Variants in KHDRBS2 observed in about 807,000 individuals in gnomAD.
KHDRBS2 encodes the protein KH RNA binding domain containing, signal transduction associated 2, also known as KH domain-containing, RNA-binding, signal transduction-associated protein 2.
KHDRBS2 carries 26 observed loss-of-function variants against 44.3 expected under a neutral mutation model. The ratio of observed to expected loss-of-function variants is 0.59; its 90% CI spans 0.43 to 0.81. KHDRBS2 has a LOEUF of 0.81. KHDRBS2 is among the 40% of genes least tolerant of loss of function. The pLI is 0.00. For synonymous variants in KHDRBS2, 194 were observed against 151.1 expected (o/e 1.28, Z -2.08); for missense variants, 476 against 433.1 (o/e 1.10, Z -0.88).
chr6:61,608,682 T>C, the KHDRBS2 span, among the ~76,000 whole-genome samples: 4 of 150,046 alleles, frequency 2.7e-5, no homozygotes, highest in East Asian at 2.0e-4. Context: ...AGTGAGAACA[T>C]GCAGTGTTTG....
In KHDRBS2 at chr6:62,141,885, C is replaced by G. The variant is rs1301821316; in HGVS notation, c.219+35300G>C. Among the ~76,000 whole-genome samples the G allele has an allele frequency of 2.0e-5, 3 of 151,912 alleles. No individual in the cohort carries two copies. In the East Asian group the frequency reaches 5.8e-4, roughly 29 times the overall value. On this transcript the variant is annotated intron_variant, in intron 2 of 8. Transcript: ENST00000281156. ...ATGTATTATATCTAAAACATATTATCTTGTGTGATTTTCCTGGGCTTAAAA... is the reference window on the plus strand; with the variant it reads ...ATGTATTATATCTAAAACATATTATGTTGTGTGATTTTCCTGGGCTTAAAA...
At chr6:62,231,357 A>ACTTCTCTCT (rs1832870259) in intron 1 of KHDRBS2, among the ~76,000 whole-genome samples, 1 of 152,178 alleles carries the variant, frequency 6.6e-6, no homozygotes, top group Non-Finnish European at 1.5e-5. Context: ...GCAGCAGGAG[A>ACTTCTCTCT]GAGAAGTTCG....
intron 2 of KHDRBS2, among the ~76,000 whole-genome samples, chr6:62,172,698 G>GAAAAAAAA (rs33984802): frequency 2.7e-5 from 2 of 73,458 alleles, no homozygotes; most frequent in Non-Finnish European, 2.5e-5. Context: ...CCAGCAAACT[G>GAAAAAAAA]AAAAAAAAAA....
rs567906762 is a variant in KHDRBS2 at position 61,850,215 on chromosome 6, T to C, written c.810+44420A>G. 2.0e-5 allele frequency among the ~76,000 whole-genome samples: 3 copies of C among 152,088 alleles called. No individual in the cohort carries two copies. The South Asian group carries it at 6.2e-4, about 32-fold the overall frequency. The stretch of plus-strand genomic sequence containing the variant: ...CTGAGAAAACTAATATTATTTATAT[T>C]AGTTTTTTGGACTAGGCAAATGCCT... On this transcript the variant is annotated intron_variant, in intron 6 of 8. Coordinates refer to ENST00000281156, the MANE Select transcript of KHDRBS2 (RefSeq NM_152688.4).
At chr6:61,687,684 A>G (rs1766971688) in intron 8 of KHDRBS2, among the ~76,000 whole-genome samples, 1 of 151,846 alleles carries the variant, frequency 6.6e-6, no homozygotes, top group African/African-American at 2.4e-5. Context: ...TACTTTATGT[A>G]TATACCTAAT....
chr6:61,926,104 G>A (rs1808922640), intron 4 of KHDRBS2, among the ~76,000 whole-genome samples: 1 of 152,156 alleles, frequency 6.6e-6, no homozygotes, highest in Admixed American at 6.6e-5. Flanking sequence ...AGTACTGTGG[G>A]TTTATAGAAG....
intron 6 of KHDRBS2, among the ~76,000 whole-genome samples, chr6:61,775,225 T>C (rs957021931): frequency 6.6e-5 from 10 of 151,844 alleles, no homozygotes; most frequent in East Asian, 3.9e-4. Context: ...CCTTTGAAAA[T>C]GGGCACAAGA....
intron 4 of KHDRBS2, among the ~76,000 whole-genome samples, chr6:61,931,068 T>C (rs1308556033): frequency 1.3e-5 from 2 of 151,990 alleles, no homozygotes; most frequent in Non-Finnish European, 2.9e-5. Context: ...AATTCAATCA[T>C]ATTACACATA....
chr6:61,564,428 T>C, the KHDRBS2 span, among the ~76,000 whole-genome samples: 1 of 152,130 alleles, frequency 6.6e-6, no homozygotes, highest in Non-Finnish European at 1.5e-5. Flanking sequence ...CAGCTTTACA[T>C]GGCCCACATT....
chr6:62,249,090 T>C (rs1210865023), intron 1 of KHDRBS2, among the ~76,000 whole-genome samples: 1 of 152,144 alleles, frequency 6.6e-6, no homozygotes, highest in African/African-American at 2.4e-5. Flanking sequence ...GAAGAATCTG[T>C]TTCAAAAGAT....
intron 2 of KHDRBS2, among the ~76,000 whole-genome samples, chr6:62,066,058 T>G (rs1355745794): frequency 6.6e-6 from 1 of 151,734 alleles, no homozygotes. Context: ...GACACGTCTT[T>G]GCCATATTTA....
chr6:62,156,611 TA>T, intron 2 of KHDRBS2, among the ~76,000 whole-genome samples: 1 of 152,302 alleles, frequency 6.6e-6, no homozygotes, highest in African/African-American at 2.4e-5. Context: ...CATTTAGAGG[TA>T]CTCTTCTAAA....
At chr6:62,252,848 C>A (rs182861599) in intron 1 of KHDRBS2, among the ~76,000 whole-genome samples, 238 of 152,044 alleles carry the variant, frequency 1.6e-3, no homozygotes, top group East Asian at 9.9e-3. Flanking sequence ...TAATTTGAAT[C>A]TGAATCATAG....
intron 4 of KHDRBS2, among the ~76,000 whole-genome samples, chr6:61,953,189 T>TTA (rs1765130670): frequency 6.6e-6 from 1 of 152,048 alleles, no homozygotes; most frequent in Admixed American, 6.6e-5. Context: ...AACTGGAGAT[T>TTA]TATAATGACC....
At chr6:61,647,026 C>A in the KHDRBS2 span, among the ~76,000 whole-genome samples, 11 of 152,098 alleles carry the variant, frequency 7.2e-5, no homozygotes, top group South Asian at 2.3e-3. Flanking sequence ...ACCATATTGG[C>A]CAGAGTGGTC....
chr6:62,048,816 A>G (rs1043073399), intron 2 of KHDRBS2, among the ~76,000 whole-genome samples: 1 of 151,922 alleles, frequency 6.6e-6, no homozygotes, highest in Non-Finnish European at 1.5e-5. Flanking sequence ...TTTGTGCCAT[A>G]ATTCGTCGAT....
chr6:61,812,805 A>T (rs1788334094), intron 6 of KHDRBS2, among the ~76,000 whole-genome samples: 1 of 152,088 alleles, frequency 6.6e-6, no homozygotes, highest in Admixed American at 6.6e-5. Context: ...ATAGTCTGAG[A>T]GTTGAGATAT....
At chr6:61,662,848 C>T in the KHDRBS2 span, among the ~76,000 whole-genome samples, 4,010 of 151,772 alleles carry the variant, frequency 0.026, 170 homozygotes, top group African/African-American at 0.092. Flanking sequence ...GTGGTGATTC[C>T]TCAGGGATCT....
chr6:61,718,229 C>G (rs973836944), intron 7 of KHDRBS2, among the ~76,000 whole-genome samples: 2 of 151,950 alleles, frequency 1.3e-5, no homozygotes, highest in African/African-American at 4.8e-5. Context: ...AGGCTCTGAC[C>G]CTTGAGGAGC....
Sources: gnomAD v4.1 joint callset for allele counts (sites outside exome capture counted in the v4.1 genomes callset) on GRCh38, gnomAD v4.1.1 for gene constraint, MANE v1.5 for transcripts, NCBI Gene and HGNC (gene_info 2026-07-23, HGNC 2026-07-21) for gene names.